Variants in FHIT observed in about 807,000 individuals in gnomAD.
The protein encoded by FHIT is bis(5'-adenosyl)-triphosphatase.
In FHIT, 19 loss-of-function variants were observed where a neutral mutation model predicts 17.9. The observed-to-expected ratio is 1.06, with a 90% CI of 0.74 to 1.56. FHIT has a LOEUF of 1.56. FHIT is among the 40% of genes most tolerant of loss of function. The pLI is 0.00. For missense variants in FHIT, 248 were observed against 189.2 expected (o/e 1.31, Z -1.82); for synonymous variants, 81 against 69.7 (o/e 1.16, Z -0.81).
chr3:59,959,078 G>T (rs1707542633), intron 7 of FHIT, among the ~76,000 whole-genome samples: 1 of 152,186 alleles, frequency 6.6e-6, no homozygotes, highest in Admixed American at 6.5e-5. Flanking sequence ...CCTGGCAAGA[G>T]ATAGACAGAT....
At chr3:60,958,426 T>A (rs1229634236) in intron 3 of FHIT, among the ~76,000 whole-genome samples, 2 of 152,232 alleles carry the variant, frequency 1.3e-5, no homozygotes, top group Admixed American at 6.5e-5. Context: ...CAAGAATTAA[T>A]TTTTAAATGA....
chr3:59,757,875 C>T (rs1022044864), intron 8 of FHIT, among the ~76,000 whole-genome samples: 4 of 152,100 alleles, frequency 2.6e-5, no homozygotes, highest in Non-Finnish European at 5.9e-5. Flanking sequence ...TCTCTTATTA[C>T]TTTCTATTCA....
intron 4 of FHIT, among the ~76,000 whole-genome samples, chr3:60,589,812 T>G (rs896427159): frequency 6.6e-6 from 1 of 152,110 alleles, no homozygotes; most frequent in Admixed American, 6.6e-5. Context: ...GACTTCTTAC[T>G]GGAGAAAGTG....
intron 3 of FHIT, among the ~76,000 whole-genome samples, chr3:60,842,623 ATGAGTGTATATATATATATATATTTTTT>A (rs1481393500): frequency 0.032 from 3,282 of 104,074 alleles, 88 homozygotes; most frequent in South Asian, 0.064. Flanking sequence ...ACATATATAT[ATGAGTGTATATATATATATATATTTTTT>A]TTTTTTTTTT....
intron 5 of FHIT, among the ~76,000 whole-genome samples, chr3:60,505,699 G>A (rs2034701366): frequency 6.6e-6 from 1 of 151,996 alleles, no homozygotes; most frequent in Non-Finnish European, 1.5e-5. Context: ...TTTTTCATGT[G>A]GTAAATCCCA....
intron 5 of FHIT, among the ~76,000 whole-genome samples, chr3:60,436,253 T>C (rs1223469822): frequency 6.6e-6 from 1 of 152,086 alleles, no homozygotes; most frequent in Non-Finnish European, 1.5e-5. Context: ...TTTCACCATG[T>C]TGGCCAGGAT....
chr3:60,019,449 G>C (rs149646801), intron 5 of FHIT, among the ~76,000 whole-genome samples: 6 of 120,006 alleles, frequency 5.0e-5, no homozygotes, highest in Non-Finnish European at 1.0e-4. Context: ...ATGGAGTTTC[G>C]CTCTCGTTGC....
intron 5 of FHIT, among the ~76,000 whole-genome samples, chr3:60,328,436 T>C (rs1709806839): frequency 1.3e-5 from 2 of 152,210 alleles, no homozygotes; most frequent in Admixed American, 6.5e-5. Flanking sequence ...AGTAAAGGCA[T>C]GTCTGACATG....
chr3:60,173,915 A>ATATATATATATTTTTTTTTT, intron 5 of FHIT, among the ~76,000 whole-genome samples: 11 of 66,426 alleles, frequency 1.7e-4, no homozygotes, highest in Admixed American at 2.1e-4. Flanking sequence ...ATATATATAT[A>ATATATATATATTTTTTTTTT]TGTTTTTTTT....
intron 5 of FHIT, among the ~76,000 whole-genome samples, chr3:60,375,147 C>A (rs1000777341): frequency 6.6e-6 from 1 of 151,210 alleles, no homozygotes; most frequent in African/African-American, 2.4e-5. Context: ...AACACTTTCA[C>A]GGTAGCAATT....
chr3:60,835,892 GTCA>G (rs1261752448), intron 3 of FHIT, among the ~76,000 whole-genome samples: 3 of 152,208 alleles, frequency 2.0e-5, no homozygotes, highest in African/African-American at 7.2e-5. Context: ...TGGGATGACA[GTCA>G]TCAGTCACTA....
intron 1 of FHIT, among the ~76,000 whole-genome samples, chr3:61,238,649 C>A (rs72881711): frequency 0.034 from 5,191 of 152,290 alleles, 299 homozygotes; most frequent in African/African-American, 0.12. Flanking sequence ...CTCTTTACAG[C>A]CAGTTTTTCA....
chr3:60,791,495 C>A (rs1700775118), intron 4 of FHIT, among the ~76,000 whole-genome samples: 1 of 152,150 alleles, frequency 6.6e-6, no homozygotes, highest in Non-Finnish European at 1.5e-5. Context: ...AGAACTCCAA[C>A]TAAGAAGTAT....
intron 4 of FHIT, among the ~76,000 whole-genome samples, chr3:60,741,414 T>C (rs897055423): frequency 2.6e-4 from 39 of 152,244 alleles, no homozygotes; most frequent in Non-Finnish European, 2.4e-4. Context: ...GCAAGTGGTC[T>C]GGCAGAAGCA....
At chr3:61,062,386 C>CA (rs2034458752) in intron 2 of FHIT, among the ~76,000 whole-genome samples, 1 of 152,122 alleles carries the variant, frequency 6.6e-6, no homozygotes, top group Admixed American at 6.5e-5. Context: ...TACCCAATCT[C>CA]AAAATATCCT....
chr3:60,352,781 T>C (rs761539956), intron 5 of FHIT, among the ~76,000 whole-genome samples: 1 of 152,150 alleles, frequency 6.6e-6, no homozygotes, highest in Non-Finnish European at 1.5e-5. Flanking sequence ...CACAGGTCAC[T>C]GGGTTTACAG....
intron 8 of FHIT, among the ~76,000 whole-genome samples, chr3:59,840,176 G>A (rs1211491757): frequency 1.3e-5 from 2 of 152,068 alleles, no homozygotes; most frequent in East Asian, 3.9e-4. Context: ...CACTTGAACA[G>A]AAGTACTCCC....
intron 5 of FHIT, among the ~76,000 whole-genome samples, chr3:60,390,140 C>T (rs1261837101): frequency 4.6e-5 from 7 of 152,072 alleles, no homozygotes; most frequent in African/African-American, 1.7e-4. Context: ...AAGCTATCAA[C>T]CTCAAATTTT....
chr3:59,784,125 GT>G (rs1349873192), intron 8 of FHIT, among the ~76,000 whole-genome samples: 1 of 152,166 alleles, frequency 6.6e-6, no homozygotes, highest in Non-Finnish European at 1.5e-5. Context: ...TAGGGTAAAG[GT>G]CTGTGAGTCA....
Sources: gnomAD v4.1 joint callset for allele counts (sites outside exome capture counted in the v4.1 genomes callset) on GRCh38, gnomAD v4.1.1 for gene constraint, MANE v1.5 for transcripts, NCBI Gene and HGNC (gene_info 2026-07-23, HGNC 2026-07-21) for gene names.